The following PIEZO2 variants were observed in gnomAD, a reference collection of about 807,000 sequenced individuals.
The protein encoded by PIEZO2 is piezo-type mechanosensitive ion channel component 2.
A neutral mutation model predicts 337.3 loss-of-function variants in PIEZO2; 172 were observed. The ratio of observed to expected loss-of-function variants is 0.51; its 90% confidence interval spans 0.45 to 0.58. The LOEUF (loss-of-function observed/expected upper bound fraction) is 0.58. PIEZO2 is among the 20% of genes least tolerant of loss of function. PIEZO2 has a pLI of 0.00. For synonymous variants in PIEZO2, 1,251 were observed against 1,228.5 expected, an observed-to-expected ratio of 1.02 and a Z score of -0.38; for missense variants, 3,028 against 3,391.3, an observed-to-expected ratio of 0.89 and a Z score of 2.66.
intron 7 of PIEZO2, among the ~76,000 whole-genome samples, chr18:10,843,652 A>G (rs1410493702): frequency 2.0e-5 from 3 of 152,222 alleles, no homozygotes; most frequent in Admixed American, 2.0e-4. Context: ...ATTTTTTCAC[A>G]TAGCAAGCAT....
chr18:10,891,644 A>G lies in PIEZO2; in HGVS notation c.329+19542T>C, dbSNP rs1204458241. ...TCAGGTCAGGTTTTGCCATCACAAA[A>G]CTAGGCTAAAATGTTTTCAGAGCAT... On this transcript the variant is annotated intron_variant, in intron 4 of 55. Transcript: ENST00000674853. Among the ~76,000 whole-genome samples, 4 of 152,178 alleles carry G rather than the reference A, an allele frequency of 2.6e-5. No individual in the cohort carries two copies. The East Asian group carries it at 7.7e-4, about 29-fold the overall frequency.
At chr18:11,089,691 C>G (rs2039014026) in intron 1 of PIEZO2, among the ~76,000 whole-genome samples, 2 of 152,154 alleles carry the variant, frequency 1.3e-5, no homozygotes, top group African/African-American at 4.8e-5. Flanking sequence ...TGTTGACAGA[C>G]AGAGTGTCCA....
In PIEZO2 at chr18:10,759,719, G is replaced by A. The variant is rs1398574760; in HGVS notation, c.3641C>T (p.Pro1214Leu). Reference protein sequence around the residue: ...FQYFICIGIPPAPCRDYPWRF... With the variant: ...FQYFICIGIPLAPCRDYPWRF... Reference sequence around the variant, plus strand: ...GGCAGGCTCACCTCGGCAAGGAGCAGGTGGGATGCCAATGCAGATGAAATA... The same window carrying A: ...GGCAGGCTCACCTCGGCAAGGAGCAAGTGGGATGCCAATGCAGATGAAATA... The change falls in exon 25 of 56, where the codon CCT (proline) becomes CTT (leucine). Residue 1214 changes from proline to leucine, a missense_variant. Physicochemically the swap from Pro to Leu is moderately conservative, Grantham distance 98 (BLOSUM62 -3). Transcript: ENST00000674853. This position sits in a 1 kb window ranked among gnomAD's most constrained non-coding sequence, Gnocchi z 5.5. 1 of 1,537,312 alleles carries A rather than the reference G, an allele frequency of 6.5e-7. No homozygotes were observed. The highest frequency in any genetic ancestry group is 2.0e-5 in the Admixed American group (1 of 51,000).
Position 10,677,907 on chromosome 18 carries a change from T to C in PIEZO2, c.7953-32A>G. On this transcript the variant is annotated intron_variant, in intron 52 of 55. Coordinates refer to ENST00000674853, the MANE Select transcript of PIEZO2 (RefSeq NM_001378183.1). The surrounding 1 kb of genome is among the most constrained non-coding windows in gnomAD (Gnocchi z 4.1). ...AGAAAAAAAAAAAGCTTAATGTCAG[T>C]GATTATTCAGAAGTCTGGAAAAGAG... is the stretch of plus-strand genomic sequence containing the variant. 6.5e-7 allele frequency: 1 copy of C among 1,546,228 alleles called. No homozygotes were observed. The highest frequency in any genetic ancestry group is 1.2e-5 in the South Asian group (1 of 83,220).
rs1234957396 is a variant in PIEZO2, at chr18:10,856,348, T to G, written c.703+653A>C. On this transcript the variant is annotated intron_variant, in intron 6 of 55. Transcript: ENST00000674853. The surrounding 1 kb of genome is among the most constrained non-coding windows in gnomAD (Gnocchi z 4.7). ...AGAAATTCTACTGTCATTTCCCCCA[T>G]TTTTCCCACTATTAAAAAACAGCTA... 6.6e-6 allele frequency among the ~76,000 whole-genome samples: 1 copy of G among 152,198 alleles called. No individual in the cohort carries two copies. Among genetic ancestry groups the G allele is most frequent in the South Asian group, 2.1e-4 (1 of 4,826 alleles).
intron 5 of PIEZO2, among the ~76,000 whole-genome samples, chr18:10,864,996 A>G (rs2041969485): frequency 1.3e-5 from 2 of 152,202 alleles, no homozygotes; most frequent in African/African-American, 4.8e-5. Flanking sequence ...GCACAAGAGC[A>G]AACTGTACAG....
chr18:10,742,570 C>CT lies in PIEZO2; in HGVS notation c.4559dup (p.Glu1521GlyfsTer21), dbSNP rs1263488297. On this transcript the variant is annotated frameshift_variant, in exon 32 of 56. Coordinates refer to ENST00000674853, the MANE Select transcript of PIEZO2 (RefSeq NM_001378183.1). LOFTEE classifies it high-confidence loss of function. Reference sequence around the variant, plus strand: ...CCTGGGTCAAGCTCAGCATCCTCTCCTTACCCTTTTTATATTTCTGTTGCC... The same window carrying CT: ...CCTGGGTCAAGCTCAGCATCCTCTCCTTTACCCTTTTTATATTTCTGTTGCC... The CT allele has an allele frequency of 6.5e-7, 1 of 1,537,198 alleles. No individual in the cohort carries two copies.
chr18:10,718,966 G>A (rs923278983), intron 36 of PIEZO2, among the ~76,000 whole-genome samples: 1 of 151,314 alleles, frequency 6.6e-6, no homozygotes, highest in African/African-American at 2.4e-5. Context: ...GCAAAAGAGT[G>A]AGACCTTGTC....
rs114763421 is a variant in PIEZO2, at chr18:11,010,456, G to C, written c.161-30796C>G. On this transcript the variant is annotated intron_variant, in intron 2 of 55. Transcript: ENST00000674853. ...AATCACACAATCCTCTAAGAGCCAA[G>C]TCTGACTCTGCAAACTCCACACGGG... Among the ~76,000 whole-genome samples the C allele has an allele frequency of 8.6e-3, 1,307 of 152,286 alleles. 20 individuals carry two copies. The highest frequency in any genetic ancestry group is 0.03 in the African/African-American group (1,226 of 41,554).
intron 24 of PIEZO2, among the ~76,000 whole-genome samples, 154 bp from the exon 25 acceptor site, chr18:10,760,063 C>G (rs2038062519): frequency 6.6e-6 from 1 of 152,138 alleles, no homozygotes. Context: ...TTTTGAGTGT[C>G]TCAGCGTGAA....
chr18:10,893,931 C>T (rs374714872), intron 4 of PIEZO2, among the ~76,000 whole-genome samples: 32 of 152,146 alleles, frequency 2.1e-4, no homozygotes, highest in African/African-American at 7.5e-4. Flanking sequence ...GCTAGTCAGG[C>T]ATGAGTGAGG....
intron 5 of PIEZO2, among the ~76,000 whole-genome samples, chr18:10,860,009 T>C (rs1305755003): frequency 6.6e-6 from 1 of 152,096 alleles, no homozygotes; most frequent in Non-Finnish European, 1.5e-5. Context: ...TCTATTTTTG[T>C]CTAGGGAGGA....
chr18:10,791,336 G>A lies in PIEZO2; in HGVS notation c.1759-12C>T. Reference sequence around the variant, plus strand: ...ATGGTGAAAAGGATCTGAAAGTAGAGAAGCAGCAAAACAAGAATTAAGCAA... The same window carrying A: ...ATGGTGAAAAGGATCTGAAAGTAGAAAAGCAGCAAAACAAGAATTAAGCAA... On this transcript the variant is annotated splice_polypyrimidine_tract_variant and intron_variant, in intron 13 of 55. Transcript: ENST00000674853. 1 of 1,478,934 alleles carries A rather than the reference G, an allele frequency of 6.8e-7. No individual in the cohort carries two copies. Among genetic ancestry groups the A allele is most frequent in the East Asian group, 2.6e-5 (1 of 39,170 alleles). The allele number at this position is 1,478,934 out of a possible 1,614,324, so 91.6% of individuals were successfully genotyped here. A position where few individuals can be genotyped will look rare whatever the true frequency, so the allele number is the denominator to read the frequency against.
chr18:10,930,977 T>C lies in PIEZO2; in HGVS notation c.287-19749A>G, dbSNP rs905579244. On this transcript the variant is annotated intron_variant, in intron 3 of 55. Coordinates refer to ENST00000674853, the MANE Select transcript of PIEZO2 (RefSeq NM_001378183.1). ...TTTTTACTTTAAAATAAATAAAGAATAGCTTATTTTAAATGGTAGAATTTT... is the reference window on the plus strand; with the variant it reads ...TTTTTACTTTAAAATAAATAAAGAACAGCTTATTTTAAATGGTAGAATTTT... Among the ~76,000 whole-genome samples, 8 of 152,276 alleles carry C rather than the reference T, an allele frequency of 5.3e-5. No individual in the cohort carries two copies. In the East Asian group the frequency reaches 1.4e-3, roughly 26 times the overall value.
chr18:10,757,050 T>C (rs546123865), intron 27 of PIEZO2, among the ~76,000 whole-genome samples: 29 of 112,334 alleles, frequency 2.6e-4, no homozygotes, highest in Middle Eastern at 0.011. Flanking sequence ...TAAAATGAGC[T>C]ATGGGGATGT....
At chr18:10,906,073 G>A (rs1360356434) in intron 4 of PIEZO2, among the ~76,000 whole-genome samples, 1 of 152,164 alleles carries the variant, frequency 6.6e-6, no homozygotes, top group Non-Finnish European at 1.5e-5. Context: ...CAGAGCTATG[G>A]AAGGCTGCGG....
At chr18:11,066,791 G>A (rs570088697) in intron 1 of PIEZO2, among the ~76,000 whole-genome samples, 1 of 152,256 alleles carries the variant, frequency 6.6e-6, no homozygotes, top group South Asian at 2.1e-4. Context: ...GTAGAGACGG[G>A]GTTTCGCCAT....
intron 2 of PIEZO2, among the ~76,000 whole-genome samples, chr18:11,064,672 G>A (rs967171825): frequency 3.3e-5 from 5 of 152,178 alleles, no homozygotes; most frequent in African/African-American, 1.2e-4. Flanking sequence ...AAAAGAAAAA[G>A]TCAGGGGTTG....
At chr18:10,760,646 C>T (rs35843317) in intron 24 of PIEZO2, among the ~76,000 whole-genome samples, 9 of 152,094 alleles carry the variant, frequency 5.9e-5, no homozygotes, top group African/African-American at 1.2e-4. Flanking sequence ...CCTGTTAACA[C>T]GGCAACTGAT....
Sources: allele counts gnomAD v4.1 joint callset (sites outside exome capture counted in the v4.1 genomes callset), GRCh38; gene constraint gnomAD v4.1.1; non-coding constraint Gnocchi (gnomAD v3.1); transcripts MANE v1.5; gene names NCBI Gene and HGNC (gene_info 2026-07-23, HGNC 2026-07-21).